TMEM47: variants seen among roughly 807,000 people sequenced by gnomAD.
TMEM47 encodes transmembrane protein 47.
TMEM47 carries 3 observed loss-of-function variants against 12.4 expected under a neutral mutation model. That is an observed-to-expected ratio of 0.24 (90% confidence interval 0.11 to 0.63). The LOEUF (loss-of-function observed/expected upper bound fraction) is 0.63, where lower values mean the gene tolerates loss of function less well. TMEM47 is among the 20% of genes least tolerant of loss of function. The probability of loss-of-function intolerance (pLI) is 0.86; values close to 1 mark genes in which losing one functional copy is unlikely to be tolerated. For missense variants in TMEM47, 89 were observed against 143.8 expected (o/e 0.62, Z 1.95); for synonymous variants, 62 against 63.3 (o/e 0.98, Z 0.10).
chrX:34,652,352 A>C (rs1246934774), intron 1 of TMEM47, among the ~76,000 whole-genome samples: 2 of 112,437 alleles, frequency 1.8e-5, no homozygotes, highest in Non-Finnish European at 3.8e-5. Context: ...GTCTAGTAGC[A>C]CTGACTATAT....
chrX:34,653,276 C>T (rs960799870), intron 1 of TMEM47, among the ~76,000 whole-genome samples: 2 of 111,860 alleles, frequency 1.8e-5, no homozygotes, highest in Non-Finnish European at 3.8e-5. Flanking sequence ...CAATGACTCA[C>T]GTTACAAATG....
intron 1 of TMEM47, among the ~76,000 whole-genome samples, chrX:34,652,980 T>C (rs1468514410): frequency 1.8e-5 from 2 of 112,279 alleles, no homozygotes; most frequent in Non-Finnish European, 3.8e-5. Flanking sequence ...CTAATGAAAC[T>C]GTGTTTTCGA....
At chrX:34,642,630 G>A (rs1178711905) in intron 1 of TMEM47, among the ~76,000 whole-genome samples, 1 of 112,072 alleles carries the variant, frequency 8.9e-6, no homozygotes, top group Non-Finnish European at 1.9e-5. Flanking sequence ...TAATGACAAA[G>A]TTACCCTAGA....
At chrX:34,654,672 C>G (rs1477376117) in intron 1 of TMEM47, among the ~76,000 whole-genome samples, 1 of 111,812 alleles carries the variant, frequency 8.9e-6, no homozygotes, top group Non-Finnish European at 1.9e-5. Context: ...GTCCCACCAT[C>G]ACCGTGGAGA....
Position 34,627,883 on chromosome X carries a change from A to T in TMEM47, c.*2430T>A, listed in dbSNP as rs371561959. On this transcript the variant is annotated 3_prime_UTR_variant, in exon 3 of 3. Coordinates refer to ENST00000275954, the MANE Select transcript of TMEM47 (RefSeq NM_031442.4). ...TTTTAGATGAGAAGCAACAATTTTC[A>T]TGTTGTACTGAGATTGTTAGTAATG... The T allele has an allele frequency of 1.0e-3, 114 of 112,294 alleles. No homozygotes were observed. The highest frequency in any genetic ancestry group is 3.1e-3 in the African/African-American group (96 of 30,953). 9.3% of individuals were successfully genotyped at this position (112,294 alleles called of 1,213,427 possible).
intron 1 of TMEM47, among the ~76,000 whole-genome samples, chrX:34,654,144 A>G (rs1461149912): frequency 1.8e-5 from 2 of 112,166 alleles, no homozygotes; most frequent in Non-Finnish European, 3.8e-5. Flanking sequence ...TGGTACCAAA[A>G]TTAAAATGCA....
At position 34,641,446 on chromosome X, in the gene TMEM47, T is replaced by C. The variant is rs188148587; in HGVS notation, c.227-2059A>G. 4.5e-5 allele frequency among the ~76,000 whole-genome samples: 5 copies of C among 111,890 alleles called. No homozygotes were observed. The East Asian group carries it at 1.4e-3, about 31-fold the overall frequency. On this transcript the variant is annotated intron_variant, in intron 1 of 2. Transcript: ENST00000275954. ...TTACATAAGTAAAAACTTTAAAGCA[T>C]TGGATTCATTTAAATCAAAATGTAA...
At chrX:34,633,105 T>C (rs1276614370) in intron 2 of TMEM47, among the ~76,000 whole-genome samples, 1 of 104,042 alleles carries the variant, frequency 9.6e-6, no homozygotes, top group Non-Finnish European at 1.9e-5. Flanking sequence ...TCAATAAATA[T>C]CTGAATGTTT....
At chrX:34,643,785 G>A (rs1052529339) in intron 1 of TMEM47, among the ~76,000 whole-genome samples, 1 of 111,574 alleles carries the variant, frequency 9.0e-6, no homozygotes, top group African/African-American at 3.3e-5. Flanking sequence ...TGTCACGCCA[G>A]CTGATTGGAA....
At chrX:34,648,270 TTACC>T (rs1255487922) in intron 1 of TMEM47, among the ~76,000 whole-genome samples, 1 of 111,865 alleles carries the variant, frequency 8.9e-6, no homozygotes, top group African/African-American at 3.2e-5. Flanking sequence ...TCGCATCACA[TTACC>T]TGACTTCAAA....
At position 34,637,852 on chromosome X, in the gene TMEM47, A is replaced by G. The variant is rs1921744281; in HGVS notation, c.367+1395T>C. Among the ~76,000 whole-genome samples, 6 of 110,973 alleles carry G rather than the reference A, an allele frequency of 5.4e-5. No homozygotes were observed. The South Asian group carries it at 2.3e-3, about 43-fold the overall frequency. On this transcript the variant is annotated intron_variant, in intron 2 of 2. Coordinates refer to ENST00000275954, the MANE Select transcript of TMEM47 (RefSeq NM_031442.4). ...ATGTACTGCACATGTCTCGGCAGAA[A>G]AAGGTACTTTTATTATTTTTTTTTC...
intron 2 of TMEM47, among the ~76,000 whole-genome samples, chrX:34,636,385 C>T (rs780839954): frequency 9.0e-6 from 1 of 111,728 alleles, no homozygotes; most frequent in South Asian, 3.8e-4. Flanking sequence ...TCCTTAATAA[C>T]ATAATAAATG....
intron 1 of TMEM47, among the ~76,000 whole-genome samples, chrX:34,646,003 C>T (rs1357672484): frequency 9.0e-6 from 1 of 111,054 alleles, no homozygotes; most frequent in East Asian, 2.8e-4. Context: ...TAGTGCTAAC[C>T]TGATTTTAAA....
intron 2 of TMEM47, among the ~76,000 whole-genome samples, chrX:34,635,163 T>C (rs1921693963): frequency 9.0e-6 from 1 of 111,493 alleles, no homozygotes; most frequent in Non-Finnish European, 1.9e-5. Flanking sequence ...CCGACATTTC[T>C]CAACCAATGA....
chrX:34,646,784 C>A (rs7057900), intron 1 of TMEM47, among the ~76,000 whole-genome samples: 1 of 110,715 alleles, frequency 9.0e-6, no homozygotes, highest in Non-Finnish European at 1.9e-5. Context: ...CAGCCACCCA[C>A]GATAGTATTA....
chrX:34,655,068 T>C (rs1273685785), intron 1 of TMEM47, among the ~76,000 whole-genome samples: 6 of 112,044 alleles, frequency 5.4e-5, no homozygotes, highest in Admixed American at 9.4e-5. Context: ...AAACACTGTA[T>C]GTTGCTCTGC....
intron 1 of TMEM47, among the ~76,000 whole-genome samples, chrX:34,655,775 TGA>T (rs776554058): frequency 1.2e-5 from 1 of 85,482 alleles, no homozygotes; most frequent in Non-Finnish European, 2.3e-5. Context: ...TATGTGTGTG[TGA>T]GAGAGAGAGA....
Position 34,657,018 on chromosome X carries a change from C to G in TMEM47, c.12G>C (p.Ala4=), listed in dbSNP as rs1922124348. Residue 4 remains alanine, a synonymous_variant, in exon 1 of 3, where the codon GCG becomes GCC. Transcript: ENST00000275954. The stretch of plus-strand genomic sequence containing the variant: ...CGCGCACCTCCTCCATGCCGCTGCC[C>G]GCCGAAGCCATTCCTGGGCGCCGCT... MAS[A]GSGMEEVRVS... is the part of the protein sequence containing the mutation. The G allele has an allele frequency of 8.7e-7, 1 of 1,148,212 alleles. No individual in the cohort carries two copies. Among genetic ancestry groups the G allele is most frequent in the African/African-American group, 1.8e-5 (1 of 55,197 alleles). 94.6% of individuals were successfully genotyped at this position (1,148,212 alleles called of 1,213,427 possible).
chrX:34,631,965 T>G (rs1418514884), intron 2 of TMEM47, among the ~76,000 whole-genome samples: 3 of 111,795 alleles, frequency 2.7e-5, no homozygotes, highest in Non-Finnish European at 3.8e-5. Context: ...AGTACAGTTA[T>G]ATTTAACAGG....
Sources: allele counts gnomAD v4.1 joint callset (sites outside exome capture counted in the v4.1 genomes callset), GRCh38; gene constraint gnomAD v4.1.1; transcripts MANE v1.5; gene names NCBI Gene and HGNC (gene_info 2026-07-23, HGNC 2026-07-21).